Variants in PRKN observed in about 807,000 individuals in gnomAD.
The protein encoded by PRKN is E3 ubiquitin-protein ligase parkin.
PRKN carries 56 observed loss-of-function variants against 59.5 expected under a neutral mutation model. That is an observed-to-expected ratio of 0.94 (90% CI 0.76 to 1.18). The LOEUF is 1.18. Among genes scored for constraint, PRKN ranks in the 50% most tolerant of loss-of-function variants. The probability of loss-of-function intolerance (pLI) is 0.00; values close to 1 mark genes in which losing one functional copy is unlikely to be tolerated. For missense variants in PRKN, 657 were observed against 596.4 expected, an observed-to-expected ratio of 1.10 and a Z score of -1.06; for synonymous variants, 250 against 222.1, an observed-to-expected ratio of 1.13 and a Z score of -1.12.
chr6:161,583,636 T>C lies in PRKN; in HGVS notation c.872-14220A>G, dbSNP rs2128138718. Among the ~76,000 whole-genome samples, 3 of 152,324 alleles carry C rather than the reference T, an allele frequency of 2.0e-5. No homozygotes were observed. The South Asian group carries it at 6.2e-4, about 32-fold the overall frequency. On this transcript the variant is annotated intron_variant, in intron 7 of 11. Coordinates refer to ENST00000366898, the MANE Select transcript of PRKN (RefSeq NM_004562.3). Reference sequence around the variant, plus strand: ...ACCCAGAGACAGTCACCAGTATTTTTTTATGAATCATCTCCTAGATAACTC... The same window carrying C: ...ACCCAGAGACAGTCACCAGTATTTTCTTATGAATCATCTCCTAGATAACTC...
chr6:162,129,548 A>G lies in PRKN; in HGVS notation c.534+71583T>C, dbSNP rs902117359. ...CAAGGAAAATGGTAAACAAACAAGGATGCTAAATAAGAAAAACTTGGAACG... is the reference window on the plus strand; with the variant it reads ...CAAGGAAAATGGTAAACAAACAAGGGTGCTAAATAAGAAAAACTTGGAACG... On this transcript the variant is annotated intron_variant, in intron 4 of 11. Transcript: ENST00000366898. Among the ~76,000 whole-genome samples the G allele has an allele frequency of 2.4e-4, 37 of 152,306 alleles. 1 individual carries two copies. The highest frequency in any genetic ancestry group is 8.9e-4 in the African/African-American group (37 of 41,586).
At chr6:161,957,400 G>A (rs1403459003) in intron 6 of PRKN, among the ~76,000 whole-genome samples, 1 of 138,748 alleles carries the variant, frequency 7.2e-6, no homozygotes, top group African/African-American at 2.8e-5. Context: ...TTTTTTTGTT[G>A]TTCTTGTTGT....
At position 162,090,154 on chromosome 6, in the gene PRKN, G is replaced by T. The variant is rs548299016; in HGVS notation, c.535-35980C>A. 1.5e-3 allele frequency among the ~76,000 whole-genome samples: 228 copies of T among 151,494 alleles called. 1 individual carries two copies. The highest frequency in any genetic ancestry group is 3.1e-3 in the Admixed American group (47 of 15,154). Reference sequence around the variant, plus strand: ...CCACGCAGTATTTGTGTGTGTGTGTGTGTCTGTGTACAGGTGTGTGTGTGT... The same window carrying T: ...CCACGCAGTATTTGTGTGTGTGTGTTTGTCTGTGTACAGGTGTGTGTGTGT... On this transcript the variant is annotated intron_variant, in intron 4 of 11. Transcript: ENST00000366898.
intron 4 of PRKN, among the ~76,000 whole-genome samples, chr6:162,156,401 G>A (rs569468007): frequency 2.0e-4 from 30 of 152,294 alleles, no homozygotes; most frequent in Non-Finnish European, 4.0e-4. Flanking sequence ...AAGTCAGTCT[G>A]ACTCCTAAAA....
At chr6:161,759,172 TA>T (rs56049781) in intron 7 of PRKN, among the ~76,000 whole-genome samples, 48,665 of 147,834 alleles carry the variant, frequency 0.33, 7,833 homozygotes, top group South Asian at 0.43. Context: ...TGAGACTGTT[TA>T]AAAAAAAAAA....
intron 7 of PRKN, among the ~76,000 whole-genome samples, chr6:161,585,946 A>G (rs1274319613): frequency 1.3e-5 from 2 of 152,136 alleles, no homozygotes; most frequent in South Asian, 2.1e-4. Context: ...CTCAGTCTCC[A>G]TAAGGGTAAA....
intron 1 of PRKN, among the ~76,000 whole-genome samples, chr6:162,498,764 T>C (rs1294385581): frequency 1.3e-5 from 2 of 152,024 alleles, no homozygotes; most frequent in Non-Finnish European, 2.9e-5. Flanking sequence ...GTAAATAACA[T>C]GTAATAATGT....
chr6:162,527,153 C>A (rs1719736104), intron 1 of PRKN, among the ~76,000 whole-genome samples: 1 of 152,172 alleles, frequency 6.6e-6, no homozygotes, highest in Non-Finnish European at 1.5e-5. Context: ...GGCTCTCTCC[C>A]TGAGAACTTG....
At chr6:162,163,916 A>G (rs985921848) in intron 4 of PRKN, among the ~76,000 whole-genome samples, 1 of 148,968 alleles carries the variant, frequency 6.7e-6, no homozygotes, top group Non-Finnish European at 1.5e-5. Flanking sequence ...AACCAACCCC[A>G]CTGCTCTAGA....
rs549126812 is a variant in PRKN at position 161,445,165 on chromosome 6, C to G, written c.1084-58288G>C. On this transcript the variant is annotated intron_variant, in intron 9 of 11. Coordinates refer to ENST00000366898, the MANE Select transcript of PRKN (RefSeq NM_004562.3). The surrounding 1 kb of genome is among the most constrained non-coding windows in gnomAD (Gnocchi z 7.7). The stretch of plus-strand genomic sequence containing the variant: ...CTCCAAAGCCGCGGCGCTGACACAG[C>G]TCCCCCTGCACGAGTGTACAGCAGT... Among the ~76,000 whole-genome samples, 33 of 152,254 alleles carry G rather than the reference C, an allele frequency of 2.2e-4. No homozygotes were observed. Among genetic ancestry groups the G allele is most frequent in the African/African-American group, 6.7e-4 (28 of 41,550 alleles).
intron 5 of PRKN, among the ~76,000 whole-genome samples, chr6:162,021,478 C>T (rs1461612898): frequency 7.9e-5 from 9 of 114,012 alleles, no homozygotes; most frequent in African/African-American, 1.7e-4. Flanking sequence ...TTTTTTTTTT[C>T]CTTAAGCTCT....
At chr6:162,702,288 A>G (rs1469068536) in intron 1 of PRKN, among the ~76,000 whole-genome samples, 3 of 152,124 alleles carry the variant, frequency 2.0e-5, no homozygotes, top group African/African-American at 7.2e-5. Context: ...TTTTCCTTTA[A>G]AAATAATTTT....
rs188030756 is a variant in PRKN, at chr6:161,490,797, T to C, written c.1083+58057A>G. Among the ~76,000 whole-genome samples, 23 of 152,200 alleles carry C rather than the reference T, an allele frequency of 1.5e-4. No homozygotes were observed. In the East Asian group the frequency reaches 4.5e-3, roughly 30 times the overall value. Reference sequence around the variant, plus strand: ...TGTTGACTGGATTGTGGGGGTGGGGTTCTCATGCTTGTGTGAGCACCATCC... The same window carrying C: ...TGTTGACTGGATTGTGGGGGTGGGGCTCTCATGCTTGTGTGAGCACCATCC... On this transcript the variant is annotated intron_variant, in intron 9 of 11. Transcript: ENST00000366898.
At chr6:162,431,090 G>T (rs1310128960) in intron 2 of PRKN, among the ~76,000 whole-genome samples, 2 of 151,980 alleles carry the variant, frequency 1.3e-5, no homozygotes, top group Non-Finnish European at 2.9e-5. Flanking sequence ...GGCAGGTTTT[G>T]CAGGGAAACT....
At chr6:162,487,229 T>A (rs188165644) in intron 1 of PRKN, among the ~76,000 whole-genome samples, 1 of 152,360 alleles carries the variant, frequency 6.6e-6, no homozygotes, top group East Asian at 1.9e-4. Context: ...GGGTCAGCTT[T>A]GCAGAAAGTG....
intron 6 of PRKN, among the ~76,000 whole-genome samples, chr6:161,898,374 A>G (rs1355236136): frequency 6.6e-6 from 1 of 152,202 alleles, no homozygotes; most frequent in Non-Finnish European, 1.5e-5. Flanking sequence ...GAGCAATAAT[A>G]TTTACGCATT....
intron 2 of PRKN, among the ~76,000 whole-genome samples, chr6:162,297,513 A>G (rs1294242952): frequency 6.6e-6 from 1 of 152,172 alleles, no homozygotes; most frequent in Non-Finnish European, 1.5e-5. Context: ...TAGATGTGAC[A>G]TGAATGGACA....
At chr6:162,192,682 T>C (rs763061932) in intron 4 of PRKN, among the ~76,000 whole-genome samples, 1 of 152,078 alleles carries the variant, frequency 6.6e-6, no homozygotes, top group African/African-American at 2.4e-5. Context: ...CTCCTTATAG[T>C]ATACATACAA....
chr6:161,600,621 G>A (rs981869938), intron 7 of PRKN, among the ~76,000 whole-genome samples: 2 of 152,000 alleles, frequency 1.3e-5, no homozygotes, highest in Non-Finnish European at 2.9e-5. Context: ...GCATGCTTTT[G>A]TTAATGCAGA....
Sources: allele counts gnomAD v4.1 joint callset (sites outside exome capture counted in the v4.1 genomes callset), GRCh38; gene constraint gnomAD v4.1.1; non-coding constraint Gnocchi (gnomAD v3.1); transcripts MANE v1.5; gene names NCBI Gene and HGNC (gene_info 2026-07-23, HGNC 2026-07-21).